Variants in GRIK2 observed in about 807,000 individuals in gnomAD.
GRIK2 encodes the protein glutamate ionotropic receptor kainate type subunit 2.
GRIK2 carries 32 observed loss-of-function variants against 100.3 expected under a neutral mutation model. The ratio of observed to expected loss-of-function variants is 0.32; its 90% CI spans 0.24 to 0.43. The LOEUF is 0.43. GRIK2 is among the 20% of genes least tolerant of loss of function. The probability of loss-of-function intolerance (pLI) is 1.00; values close to 1 mark genes in which losing one functional copy is unlikely to be tolerated. For missense variants in GRIK2, 843 were observed against 1,114.9 expected (o/e 0.76, Z 3.47); for synonymous variants, 417 against 389.4 (o/e 1.07, Z -0.83).
At chr6:101,890,058 G>C (rs576366776) in intron 12 of GRIK2, 195 bp downstream of exon 12, 1 of 570,170 alleles carries the variant, frequency 1.8e-6, no homozygotes, top group Admixed American at 3.1e-5. Context: ...AGAGCATGCT[G>C]GTTGTGTCAG....
chr6:101,394,548 G>A (rs1403798521), intron 1 of GRIK2, among the ~76,000 whole-genome samples: 2 of 152,108 alleles, frequency 1.3e-5, no homozygotes, highest in Non-Finnish European at 2.9e-5. Context: ...GTAGCCTTTT[G>A]GTAATGCACA....
chr6:101,935,203 A>G (rs1469225428), intron 14 of GRIK2, among the ~76,000 whole-genome samples: 2 of 151,936 alleles, frequency 1.3e-5, no homozygotes, highest in East Asian at 3.8e-4. Context: ...GAAATTCTTT[A>G]TGGTACTTCA....
rs1032304387 is a variant in GRIK2 at position 101,578,144 on chromosome 6, C to T, written c.116-43805C>T. 2.0e-4 allele frequency among the ~76,000 whole-genome samples: 30 copies of T among 152,324 alleles called. 2 individuals carry two copies. Among genetic ancestry groups the T allele is most frequent in the Admixed American group, 1.8e-3 (27 of 15,292 alleles). On this transcript the variant is annotated intron_variant, in intron 2 of 16. Coordinates refer to ENST00000369134, the MANE Select transcript of GRIK2 (RefSeq NM_021956.5). ...TATATTTATTTTCAACAGTGCATTT[C>T]ATTACAGCCAGGGATGCACAGGTTT...
intron 2 of GRIK2, among the ~76,000 whole-genome samples, chr6:101,499,447 C>T (rs921377563): frequency 9.2e-5 from 14 of 152,016 alleles, no homozygotes; most frequent in Admixed American, 2.0e-4. Flanking sequence ...TGAATTACTT[C>T]TGCAGCAAAT....
intron 14 of GRIK2, among the ~76,000 whole-genome samples, chr6:101,954,943 A>T (rs1791822118): frequency 2.0e-5 from 3 of 152,018 alleles, no homozygotes; most frequent in Non-Finnish European, 4.4e-5. Flanking sequence ...GCTTTTCCTG[A>T]GTTTACTGAG....
chr6:101,779,473 A>G lies in GRIK2; in HGVS notation c.952-20175A>G. 2.0e-5 allele frequency among the ~76,000 whole-genome samples: 3 copies of G among 152,234 alleles called. 1 individual carries two copies. The highest frequency in any genetic ancestry group is 4.4e-5 in the Non-Finnish European group (3 of 68,042). On this transcript the variant is annotated intron_variant, in intron 7 of 16. Coordinates refer to ENST00000369134, the MANE Select transcript of GRIK2 (RefSeq NM_021956.5). ...GTTTTACTAAAATGTGTAGGACAAT[A>G]TTGCACAATTTTAAAGGTTTGCAAA...
At chr6:102,042,907 C>T (rs528431827) in intron 15 of GRIK2, among the ~76,000 whole-genome samples, 8 of 151,690 alleles carry the variant, frequency 5.3e-5, no homozygotes, top group Admixed American at 4.6e-4. Context: ...TGAAATATGT[C>T]AGAACCAGTA....
At chr6:101,982,838 G>A (rs918164858) in intron 14 of GRIK2, among the ~76,000 whole-genome samples, 3 of 151,662 alleles carry the variant, frequency 2.0e-5, no homozygotes, top group African/African-American at 7.3e-5. Context: ...TCTCATTGCA[G>A]CATGTAAGAA....
intron 7 of GRIK2, among the ~76,000 whole-genome samples, chr6:101,796,071 A>G (rs550131141): frequency 4.7e-4 from 72 of 152,320 alleles, no homozygotes; most frequent in South Asian, 2.3e-3. Context: ...TATTAACCAT[A>G]GAGTGTTGAG....
chr6:101,671,078 A>G (rs1405995330), intron 4 of GRIK2, among the ~76,000 whole-genome samples: 1 of 152,106 alleles, frequency 6.6e-6, no homozygotes, highest in Non-Finnish European at 1.5e-5. Flanking sequence ...TTCTTTATTC[A>G]CCTAGGGTTG....
chr6:101,737,206 A>G (rs150694679), intron 7 of GRIK2, among the ~76,000 whole-genome samples: 31 of 152,030 alleles, frequency 2.0e-4, no homozygotes, highest in Non-Finnish European at 4.0e-4. Context: ...GAGCCCTCCA[A>G]TCTGTTCCAC....
intron 10 of GRIK2, among the ~76,000 whole-genome samples, chr6:101,824,427 T>G (rs1316304234): frequency 6.6e-6 from 1 of 152,186 alleles, no homozygotes; most frequent in Non-Finnish European, 1.5e-5. Flanking sequence ...AGAATAATGG[T>G]CTCCAATTAT....
intron 2 of GRIK2, among the ~76,000 whole-genome samples, chr6:101,571,678 A>G (rs1029589217): frequency 6.6e-6 from 1 of 152,164 alleles, no homozygotes; most frequent in Non-Finnish European, 1.5e-5. Context: ...AATTGAGTAT[A>G]AATACTTTCT....
intron 10 of GRIK2, among the ~76,000 whole-genome samples, chr6:101,839,525 A>G (rs1207388952): frequency 6.6e-6 from 1 of 152,174 alleles, no homozygotes; most frequent in Non-Finnish European, 1.5e-5. Flanking sequence ...AGTTTTTATG[A>G]TATTAAAGAA....
intron 4 of GRIK2, among the ~76,000 whole-genome samples, chr6:101,660,378 T>A (rs931546860): frequency 6.6e-6 from 1 of 152,142 alleles, no homozygotes; most frequent in African/African-American, 2.4e-5. Context: ...TCCTCTAACC[T>A]TTTTTTAAGG....
In GRIK2 at chr6:101,626,429, C is replaced by T. The variant is rs745694064; in HGVS notation, c.333C>T (p.His111=). The T allele has an allele frequency of 1.2e-6, 2 of 1,613,664 alleles. No homozygotes were observed. Among genetic ancestry groups the T allele is most frequent in the East Asian group, 2.2e-5 (1 of 44,846 alleles). The change falls in exon 4 of 17, where the codon CAC becomes CAT. Residue 111 remains histidine, a synonymous_variant. Coordinates refer to ENST00000369134, the MANE Select transcript of GRIK2 (RefSeq NM_021956.5). ...TGGCTGCCATCTTCGGGCCTTCACACAGCTCATCAGCAAACGCAGTGCAGT... is the reference window on the plus strand; with the variant it reads ...TGGCTGCCATCTTCGGGCCTTCACATAGCTCATCAGCAAACGCAGTGCAGT... ...LGVAAIFGPS[H]SSSANAVQSI...
chr6:101,755,882 T>C (rs1777105032), intron 7 of GRIK2, among the ~76,000 whole-genome samples: 1 of 152,208 alleles, frequency 6.6e-6, no homozygotes, highest in African/African-American at 2.4e-5. Context: ...GAAAGCAATT[T>C]TATGAAACAT....
intron 14 of GRIK2, chr6:101,993,231 A>G (rs1335041): frequency 2.0e-5 from 3 of 151,462 alleles, no homozygotes; most frequent in Non-Finnish European, 4.4e-5. Flanking sequence ...GGAAGGAAAG[A>G]AGAACAGAAA....
chr6:101,842,752 A>C (rs1236018143), intron 10 of GRIK2, among the ~76,000 whole-genome samples: 3 of 152,292 alleles, frequency 2.0e-5, no homozygotes. Context: ...GATCTTTTTC[A>C]TGTCTGTTTT....
Sources: gnomAD v4.1 joint callset for allele counts (sites outside exome capture counted in the v4.1 genomes callset) on GRCh38, gnomAD v4.1.1 for gene constraint, MANE v1.5 for transcripts, NCBI Gene and HGNC (gene_info 2026-07-23, HGNC 2026-07-21) for gene names.